The following IMMP2L variants were observed in gnomAD, a reference collection of about 807,000 sequenced individuals.
IMMP2L encodes mitochondrial inner membrane protease subunit 2.
A neutral mutation model predicts 19.3 loss-of-function variants in IMMP2L; 18 were observed. The observed-to-expected ratio is 0.93, with a 90% CI of 0.64 to 1.38. The LOEUF (loss-of-function observed/expected upper bound fraction) is 1.38. Among genes scored for constraint, IMMP2L ranks in the 40% most tolerant of loss-of-function variants. The pLI is 0.00. For missense variants in IMMP2L, 233 were observed against 218.2 expected (o/e 1.07, Z -0.43); for synonymous variants, 76 against 73.0 (o/e 1.04, Z -0.21).
chr7:111,332,024 G>A lies in IMMP2L; in HGVS notation c.239+155214C>T, dbSNP rs1469275172. The stretch of plus-strand genomic sequence containing the variant: ...TCATGTGCTATATGCTATATATTAT[G>A]TGCTGTTTTCTCAAAGTAGAAATAA... On this transcript the variant is annotated intron_variant, in intron 3 of 5. Transcript: ENST00000405709. Among the ~76,000 whole-genome samples the A allele has an allele frequency of 4.6e-5, 7 of 151,786 alleles. No homozygotes were observed. The Admixed American group carries it at 4.6e-4, about 10-fold the overall frequency.
intron 3 of IMMP2L, among the ~76,000 whole-genome samples, chr7:111,147,388 C>A (rs908977263): frequency 6.6e-6 from 1 of 152,058 alleles, no homozygotes; most frequent in Non-Finnish European, 1.5e-5. Context: ...TCTTTCCCAA[C>A]GGTTTCCCTC....
chr7:111,312,500 T>C (rs1823627670), intron 3 of IMMP2L, among the ~76,000 whole-genome samples: 1 of 152,084 alleles, frequency 6.6e-6, no homozygotes, highest in Non-Finnish European at 1.5e-5. Flanking sequence ...GGGGAGGGGA[T>C]CATAGATCTC....
intron 3 of IMMP2L, among the ~76,000 whole-genome samples, chr7:110,976,929 A>C (rs1585549110): frequency 6.6e-6 from 1 of 152,194 alleles, no homozygotes; most frequent in East Asian, 1.9e-4. Flanking sequence ...AAAACTCAAT[A>C]TTCTAATTCC....
intron 5 of IMMP2L, among the ~76,000 whole-genome samples, chr7:110,808,845 C>T (rs1308383287): frequency 1.3e-5 from 2 of 151,912 alleles, no homozygotes; most frequent in Admixed American, 1.3e-4. Context: ...ATGTGGTTTT[C>T]GTCAAAGCAA....
chr7:111,448,956 T>C (rs1380181074), intron 3 of IMMP2L, among the ~76,000 whole-genome samples: 9 of 148,708 alleles, frequency 6.1e-5, no homozygotes, highest in African/African-American at 1.2e-4. Context: ...CTAGAAAATC[T>C]AGAAGAAATG....
chr7:111,252,240 T>C (rs1391948399), intron 3 of IMMP2L, among the ~76,000 whole-genome samples: 1 of 152,044 alleles, frequency 6.6e-6, no homozygotes, highest in African/African-American at 2.4e-5. Context: ...ATGTATGAAA[T>C]GTAGGCATCA....
At chr7:111,500,067 G>GT (rs1844026695) in intron 2 of IMMP2L, among the ~76,000 whole-genome samples, 1 of 152,102 alleles carries the variant, frequency 6.6e-6, no homozygotes, top group South Asian at 2.1e-4. Context: ...AAAGAAAGAG[G>GT]TGACAGATGG....
intron 5 of IMMP2L, among the ~76,000 whole-genome samples, chr7:110,790,052 A>G (rs992973093): frequency 6.6e-6 from 1 of 151,700 alleles, no homozygotes; most frequent in Non-Finnish European, 1.5e-5. Flanking sequence ...TGTAGGATGA[A>G]AGCTTGCTAA....
chr7:111,187,294 A>C (rs1414441498), intron 3 of IMMP2L, among the ~76,000 whole-genome samples: 1 of 152,090 alleles, frequency 6.6e-6, no homozygotes, highest in East Asian at 1.9e-4. Context: ...TGCATAGACA[A>C]GACATAAGTT....
intron 3 of IMMP2L, among the ~76,000 whole-genome samples, chr7:111,136,403 T>C (rs928569243): frequency 5.3e-5 from 8 of 151,846 alleles, no homozygotes; most frequent in African/African-American, 1.7e-4. Context: ...TTTGTTTCTT[T>C]CTAATCTTAA....
chr7:111,340,494 A>G (rs1438890252), intron 3 of IMMP2L, among the ~76,000 whole-genome samples: 5 of 152,082 alleles, frequency 3.3e-5, no homozygotes, highest in Non-Finnish European at 7.4e-5. Context: ...TCTAATGTCC[A>G]CCATACTTTC....
rs762576425 is a variant in IMMP2L at position 111,268,569 on chromosome 7, C to CTTTTTTTTTT, written c.239+218659_239+218668dup. Among the ~76,000 whole-genome samples the CTTTTTTTTTT allele has an allele frequency of 1.9e-3, 84 of 44,594 alleles. 23 individuals carry two copies. Among genetic ancestry groups the CTTTTTTTTTT allele is most frequent in the Non-Finnish European group, 2.4e-3 (64 of 26,638 alleles). The allele number at this position is 44,594 out of a possible 152,430, so 29.3% of individuals were successfully genotyped here. ...GATATGAGTTAAACTTCACATTTCTCTTTTTTTTTTTTTTTTTTTTTTTTT... is the reference window on the plus strand; with the variant it reads ...GATATGAGTTAAACTTCACATTTCTCTTTTTTTTTTTTTTTTTTTTTTTTTTTTTTTTTTT... On this transcript the variant is annotated intron_variant, in intron 3 of 5. Transcript: ENST00000405709.
chr7:111,305,317 C>T (rs1822744262), intron 3 of IMMP2L, among the ~76,000 whole-genome samples: 1 of 152,144 alleles, frequency 6.6e-6, no homozygotes, highest in Admixed American at 6.6e-5. Flanking sequence ...ACAAAGAAAT[C>T]CATTTCCCTG....
At chr7:111,336,072 A>T (rs37640) in intron 3 of IMMP2L, among the ~76,000 whole-genome samples, 7 of 152,186 alleles carry the variant, frequency 4.6e-5, no homozygotes, top group African/African-American at 1.7e-4. Flanking sequence ...TTGTTTGAGA[A>T]GGGATCTCAC....
At chr7:111,128,840 T>C (rs138613957) in intron 3 of IMMP2L, among the ~76,000 whole-genome samples, 28 of 152,122 alleles carry the variant, frequency 1.8e-4, no homozygotes, top group Non-Finnish European at 3.4e-4. Context: ...AAGAGGCATA[T>C]TTAGTTACCA....
chr7:111,371,732 T>C (rs1830277806), intron 3 of IMMP2L, among the ~76,000 whole-genome samples: 1 of 152,008 alleles, frequency 6.6e-6, no homozygotes, highest in Non-Finnish European at 1.5e-5. Flanking sequence ...ATATAGCATA[T>C]ACTAAAAATT....
intron 2 of IMMP2L, among the ~76,000 whole-genome samples, chr7:111,506,200 T>TAAC (rs565045412): frequency 7.0e-6 from 1 of 143,422 alleles, no homozygotes; most frequent in Non-Finnish European, 1.5e-5. Flanking sequence ...CTCTTTAAAA[T>TAAC]AATAATAATA....
chr7:111,413,446 A>G (rs560277082), intron 3 of IMMP2L, among the ~76,000 whole-genome samples: 16 of 152,246 alleles, frequency 1.1e-4, no homozygotes, highest in Non-Finnish European at 1.5e-4. Flanking sequence ...AGACATAAAG[A>G]AAGATCTTTA....
intron 3 of IMMP2L, among the ~76,000 whole-genome samples, chr7:111,250,768 G>C (rs1816012746): frequency 6.6e-6 from 1 of 152,048 alleles, no homozygotes; most frequent in Non-Finnish European, 1.5e-5. Context: ...ATGGATTAAA[G>C]ACTTAAATGT....
Sources: allele counts gnomAD v4.1 joint callset (sites outside exome capture counted in the v4.1 genomes callset), GRCh38; gene constraint gnomAD v4.1.1; transcripts MANE v1.5; gene names NCBI Gene and HGNC (gene_info 2026-07-23, HGNC 2026-07-21).